Variants in MYO16 observed in about 807,000 individuals in gnomAD.
MYO16 encodes myosin XVI.
In MYO16, 94 loss-of-function variants were observed where a neutral mutation model predicts 205.3. The ratio of observed to expected loss-of-function variants is 0.46; its 90% CI spans 0.39 to 0.54. MYO16 has a LOEUF of 0.54. Among genes scored for constraint, MYO16 ranks in the 20% least tolerant of loss-of-function variants. MYO16 has a pLI of 0.00. For synonymous variants in MYO16, 988 were observed against 954.0 expected, an observed-to-expected ratio of 1.04 and a Z score of -0.66; for missense variants, 2,315 against 2,387.5, an observed-to-expected ratio of 0.97 and a Z score of 0.63.
At chr13:109,077,052 C>A (rs1003513327) in intron 27 of MYO16, among the ~76,000 whole-genome samples, 5 of 146,736 alleles carry the variant, frequency 3.4e-5, no homozygotes, top group African/African-American at 1.3e-4. Flanking sequence ...AGTAGTCTTG[C>A]TTTGTCACCC....
intron 6 of MYO16, among the ~76,000 whole-genome samples, chr13:108,805,253 T>C (rs1242831724): frequency 6.6e-6 from 1 of 152,208 alleles, no homozygotes; most frequent in East Asian, 1.9e-4. Flanking sequence ...ATTAATTCTG[T>C]ATGTAGCAAG....
intron 29 of MYO16, among the ~76,000 whole-genome samples, chr13:109,124,353 C>T (rs1479519368): frequency 1.3e-5 from 2 of 152,110 alleles, no homozygotes; most frequent in African/African-American, 2.4e-5. Context: ...TTGTGTTGAC[C>T]TGGAGGAACT....
chr13:108,618,115 C>T (rs898990013), intron 1 of MYO16, among the ~76,000 whole-genome samples: 2 of 152,152 alleles, frequency 1.3e-5, no homozygotes, highest in Non-Finnish European at 2.9e-5. Context: ...ATTATAGGAG[C>T]TTTTTAAATA....
the MYO16 span, among the ~76,000 whole-genome samples, chr13:108,583,023 G>A: frequency 7.2e-5 from 11 of 152,166 alleles, no homozygotes; most frequent in East Asian, 1.9e-4. Context: ...AACAGATAAA[G>A]TTTATGAATA....
intron 4 of MYO16, among the ~76,000 whole-genome samples, chr13:108,750,676 G>C (rs367634190): frequency 6.6e-6 from 1 of 151,780 alleles, no homozygotes; most frequent in African/African-American, 2.4e-5. Context: ...GCGTGGTGGC[G>C]TGCACCTATA....
intron 11 of MYO16, among the ~76,000 whole-genome samples, chr13:108,860,400 C>T (rs1594350686): frequency 6.6e-6 from 1 of 152,114 alleles, no homozygotes; most frequent in African/African-American, 2.4e-5. Flanking sequence ...TTTCTTTATC[C>T]AATCTGTCAT....
chr13:108,588,946 TTGAG>T, the MYO16 span, among the ~76,000 whole-genome samples: 1 of 152,056 alleles, frequency 6.6e-6, no homozygotes, highest in Non-Finnish European at 1.5e-5. Flanking sequence ...TTGATAATAA[TTGAG>T]TATTTGTGGA....
chr13:109,119,843 A>G (rs79269717), intron 28 of MYO16, among the ~76,000 whole-genome samples: 25 of 152,332 alleles, frequency 1.6e-4, no homozygotes, highest in Non-Finnish European at 1.6e-4. Flanking sequence ...TTTAAACTTT[A>G]GTTCTGAAGT....
At chr13:108,530,031 G>T in the MYO16 span, among the ~76,000 whole-genome samples, 27 of 152,304 alleles carry the variant, frequency 1.8e-4, no homozygotes, top group African/African-American at 6.5e-4. Flanking sequence ...CTCCCACCTG[G>T]ACAGGTGGGT....
In MYO16 at chr13:108,607,666, A is replaced by C. The variant is rs150261120; in HGVS notation, c.-39+11427A>C. Among the ~76,000 whole-genome samples, 569 of 152,252 alleles carry C rather than the reference A, an allele frequency of 3.7e-3. 6 individuals are homozygous for C. Among genetic ancestry groups the C allele is most frequent in the Non-Finnish European group, 2.3e-3 (156 of 68,012 alleles). ...GGAAAATAAACTAATACAGTAAATA[A>C]CAAACTAATACATGTACTTGCTCCC... On this transcript the variant is annotated intron_variant, in intron 1 of 24. Coordinates refer to the MYO16 transcript ENST00000251041.
Position 108,665,836 on chromosome 13 carries a change from T to C in MYO16, c.29-50T>C, listed in dbSNP as rs536695650. 65 of 1,568,900 alleles carry C rather than the reference T, an allele frequency of 4.1e-5. No individual in the cohort carries two copies. The African/African-American group carries it at 6.2e-4, about 15-fold the overall frequency. On this transcript the variant is annotated intron_variant, in intron 1 of 34. Coordinates refer to ENST00000457511, the MANE Select transcript of MYO16 (RefSeq NM_001198950.3). ...TCAAGTGTGCTGTGGTGCACACTTA[T>C]AGTGGTTATAATAATAGGTCTGGTG...
At chr13:108,928,505 T>C (rs372183015) in intron 16 of MYO16, among the ~76,000 whole-genome samples, 61 of 149,996 alleles carry the variant, frequency 4.1e-4, no homozygotes, top group African/African-American at 1.4e-3. Context: ...AATTCTTGCA[T>C]TTGAATAAGT....
At chr13:109,058,879 G>A (rs2139620328) in intron 27 of MYO16, among the ~76,000 whole-genome samples, 1 of 152,120 alleles carries the variant, frequency 6.6e-6, no homozygotes, top group East Asian at 1.9e-4. Context: ...TTTATCAACT[G>A]AGTTTATGGA....
chr13:108,496,735 T>G, the MYO16 span, among the ~76,000 whole-genome samples: 2 of 152,226 alleles, frequency 1.3e-5, no homozygotes, highest in African/African-American at 4.8e-5. Flanking sequence ...GTGGCTCAGA[T>G]GTCTGTGTGG....
chr13:108,547,271 CAAAAA>C, the MYO16 span, among the ~76,000 whole-genome samples: 186 of 92,342 alleles, frequency 2.0e-3, 2 homozygotes, highest in Middle Eastern at 6.8e-3. Context: ...GACTCTGTCT[CAAAAA>C]AAAAAAAAAA....
chr13:109,196,882 A>T (rs1880184455), intron 34 of MYO16, among the ~76,000 whole-genome samples: 1 of 152,208 alleles, frequency 6.6e-6, no homozygotes, highest in Admixed American at 6.5e-5. Flanking sequence ...ATAACTAGCA[A>T]GTGTCTTATT....
chr13:108,844,297 A>G, intron 9 of MYO16, 46 bp from the exon 10 acceptor site: 2 of 1,530,464 alleles, frequency 1.3e-6, no homozygotes, highest in Non-Finnish European at 1.8e-6. Context: ...CGATTGATAA[A>G]ACATTAGAAA....
At chr13:108,985,478 C>A (rs277797) in intron 20 of MYO16, among the ~76,000 whole-genome samples, 1 of 152,150 alleles carries the variant, frequency 6.6e-6, no homozygotes, top group Non-Finnish European at 1.5e-5. Context: ...GCTTTGACAG[C>A]GTAGCATGTA....
Position 108,665,890 on chromosome 13 carries a change from C to G in MYO16, c.33C>G (p.Cys11Trp). 6.2e-7 allele frequency: 1 copy of G among 1,613,096 alleles called. No homozygotes were observed. The highest frequency in any genetic ancestry group is 8.5e-7 in the Non-Finnish European group (1 of 1,179,306). The change falls in exon 2 of 35, where the codon TGC becomes TGG. Residue 11 changes from cysteine to tryptophan, a missense_variant. This residue lies in a region of MYO16 where 1,213 missense variants were observed against 1,274.4 expected (regional missense o/e 0.95). Coordinates refer to ENST00000457511, the MANE Select transcript of MYO16 (RefSeq NM_001198950.3). MSHYHFIKCC[C>W]FQLCNVFRSH... ...CTCCCCTTGCATTTCTTCCAGGTTG[C>G]TTTCAGCTATGTAACGTTTTTCGAT... is the stretch of plus-strand genomic sequence containing the variant.
Sources: allele counts gnomAD v4.1 joint callset (sites outside exome capture counted in the v4.1 genomes callset), GRCh38; gene constraint gnomAD v4.1.1; regional missense constraint gnomAD v4.1.1; transcripts MANE v1.5; gene names NCBI Gene and HGNC (gene_info 2026-07-23, HGNC 2026-07-21).